The following TXNL4A variants were observed in gnomAD, a reference collection of about 807,000 sequenced individuals.
The protein encoded by TXNL4A is thioredoxin-like protein 4A.
Under a neutral mutation model 14.6 loss-of-function variants are expected in TXNL4A, and 17 were observed. The observed-to-expected ratio is 1.16, with a 90% CI of 0.80 to 1.74. The LOEUF is 1.74. TXNL4A is among the 40% of genes most tolerant of loss of function. The pLI is 0.00. For synonymous variants in TXNL4A, 83 were observed against 70.6 expected, an observed-to-expected ratio of 1.18 and a Z score of -0.88; for missense variants, 74 against 195.2, an observed-to-expected ratio of 0.38 and a Z score of 3.70.
rs1180302853 is a variant in TXNL4A at position 79,971,969 on chromosome 18, C to CT, written c.*1715dup. The CT allele has an allele frequency of 1.3e-5, 2 of 152,186 alleles. No individual in the cohort carries two copies. The highest frequency in any genetic ancestry group is 2.9e-5 in the Non-Finnish European group (2 of 68,046). The allele number at this position is 152,186 out of a possible 1,614,324, so 9.4% of individuals were successfully genotyped here. A position where few individuals can be genotyped will look rare whatever the true frequency, so the allele number is the denominator to read the frequency against. On this transcript the variant is annotated 3_prime_UTR_variant, in exon 3 of 3. Transcript: ENST00000269601. The stretch of plus-strand genomic sequence containing the variant: ...CCTCATTCCGATACGCTGTTGCACT[C>CT]TCCTACTTTATACATAGAAAAATCA...
chr18:80,017,681 A>G (rs1209772363), intron 1 of TXNL4A, among the ~76,000 whole-genome samples: 2 of 147,996 alleles, frequency 1.4e-5, no homozygotes. Context: ...ATTTGTGTAT[A>G]TTGAACCAGC....
chr18:79,979,157 C>T (rs954850799), intron 1 of TXNL4A, among the ~76,000 whole-genome samples: 19 of 149,402 alleles, frequency 1.3e-4, no homozygotes, highest in Admixed American at 2.7e-4. Flanking sequence ...AGGCTGATCT[C>T]GAACTCCTGA....
chr18:80,010,003 A>G (rs1466494138), intron 1 of TXNL4A, among the ~76,000 whole-genome samples: 1 of 152,176 alleles, frequency 6.6e-6, no homozygotes, highest in Non-Finnish European at 1.5e-5. Context: ...CAAGCTGCTC[A>G]TCACCAGCTT....
upstream of TXNL4A, among the ~76,000 whole-genome samples, chr18:79,989,131 T>C (rs1025580348): frequency 3.9e-5 from 6 of 152,114 alleles, no homozygotes; most frequent in African/African-American, 1.4e-4. Flanking sequence ...TTTTAATTTG[T>C]CTTTTTATAA....
At chr18:79,995,537 A>G (rs2051654972) in intron 1 of TXNL4A, 1 of 152,200 alleles carries the variant, frequency 6.6e-6, no homozygotes, top group African/African-American at 2.4e-5. Context: ...AAACAATAAA[A>G]ATGCTACAAT....
In TXNL4A at chr18:79,993,737, C is replaced by T. The variant is rs940209972; in HGVS notation, c.-60-16036G>A. On this transcript the variant is annotated intron_variant, in intron 1 of 2. Coordinates refer to the TXNL4A transcript ENST00000585474. This position sits in a 1 kb window ranked among gnomAD's most constrained non-coding sequence, Gnocchi z 4.4. The stretch of plus-strand genomic sequence containing the variant: ...GAGCACTTTACTCCCCTCAGCCTTT[C>T]GGGGCATTCTTAGGCAACTGAGAAT... Among the ~76,000 whole-genome samples, 2 of 152,130 alleles carry T rather than the reference C, an allele frequency of 1.3e-5. No homozygotes were observed. The highest frequency in any genetic ancestry group is 2.4e-5 in the African/African-American group (1 of 41,424).
intron 2 of TXNL4A, chr18:79,976,890 T>C (rs2051387646): frequency 4.7e-6 from 2 of 423,534 alleles, no homozygotes; most frequent in South Asian, 1.7e-5. Flanking sequence ...ATAAGCAAAG[T>C]AGTTCAGGTG....
At chr18:80,023,589 A>G (rs540963295) in intron 1 of TXNL4A, among the ~76,000 whole-genome samples, 1 of 152,320 alleles carries the variant, frequency 6.6e-6, no homozygotes, top group African/African-American at 2.4e-5. Flanking sequence ...ACAATGCTGA[A>G]CTTTTATATG....
chr18:79,978,596 C>T (rs1334575470), intron 1 of TXNL4A, among the ~76,000 whole-genome samples: 3 of 151,974 alleles, frequency 2.0e-5, no homozygotes, highest in Admixed American at 1.3e-4. Flanking sequence ...TGGGCTCAAG[C>T]GATCCTCCCA....
At chr18:79,979,064 T>A (rs1171138993) in intron 1 of TXNL4A, among the ~76,000 whole-genome samples, 3 of 151,858 alleles carry the variant, frequency 2.0e-5, no homozygotes, top group Admixed American at 6.6e-5. Flanking sequence ...CAAACTCTCG[T>A]GTAGCTGGGA....
At chr18:80,031,307 C>T (rs1448178677) in intron 1 of TXNL4A, among the ~76,000 whole-genome samples, 4 of 152,288 alleles carry the variant, frequency 2.6e-5, no homozygotes, top group African/African-American at 9.6e-5. Flanking sequence ...GAGACACTGA[C>T]TGGCATGCCA....
At chr18:79,978,736 C>T (rs187547745) in intron 1 of TXNL4A, among the ~76,000 whole-genome samples, 103 of 152,260 alleles carry the variant, frequency 6.8e-4, no homozygotes, top group Middle Eastern at 3.4e-3. Flanking sequence ...TCAAGTGATA[C>T]GCCTGCCTTG....
At chr18:79,981,365 T>C (rs1011369931) in intron 1 of TXNL4A, among the ~76,000 whole-genome samples, 1 of 152,226 alleles carries the variant, frequency 6.6e-6, no homozygotes. Flanking sequence ...TAATAATTTG[T>C]AGGCATTTAA....
intron 1 of TXNL4A, among the ~76,000 whole-genome samples, chr18:80,004,786 G>A (rs1395524786): frequency 2.6e-5 from 4 of 152,148 alleles, no homozygotes; most frequent in South Asian, 2.1e-4. Context: ...ACAAAACATC[G>A]AGTGCGCAGT....
At chr18:80,022,525 T>C (rs567955194) in intron 1 of TXNL4A, among the ~76,000 whole-genome samples, 1 of 152,310 alleles carries the variant, frequency 6.6e-6, no homozygotes, top group East Asian at 1.9e-4. Flanking sequence ...CAGGCCAGGT[T>C]TGTTTGTTCC....
chr18:80,015,603 C>T (rs1054580260), intron 1 of TXNL4A, among the ~76,000 whole-genome samples: 1 of 150,488 alleles, frequency 6.6e-6, no homozygotes, highest in Non-Finnish European at 1.5e-5. Context: ...TAAGTGAGAA[C>T]ATGCGGTGTT....
At chr18:80,001,718 G>A (rs909041932) in intron 1 of TXNL4A, among the ~76,000 whole-genome samples, 4 of 152,132 alleles carry the variant, frequency 2.6e-5, no homozygotes, top group East Asian at 1.9e-4. Context: ...TAGTCCCTTC[G>A]TTTTGGCTAA....
upstream of TXNL4A, chr18:79,988,739 G>A (rs2051599539): frequency 5.7e-6 from 1 of 174,964 alleles, no homozygotes; most frequent in South Asian, 2.0e-4. Context: ...GTCGGAGTGG[G>A]GGTTCCTCCC....
intron 1 of TXNL4A, among the ~76,000 whole-genome samples, chr18:79,997,839 T>G (rs960703659): frequency 9.2e-5 from 14 of 152,196 alleles, no homozygotes; most frequent in Admixed American, 8.5e-4. Context: ...AAAGACAAAC[T>G]TCAGCGATGC....
Sources: gnomAD v4.1 joint callset for allele counts (sites outside exome capture counted in the v4.1 genomes callset) on GRCh38, gnomAD v4.1.1 for gene constraint, Gnocchi (gnomAD v3.1) non-coding constraint, MANE v1.5 for transcripts, NCBI Gene and HGNC (gene_info 2026-07-23, HGNC 2026-07-21) for gene names.